STAT3: variants seen among roughly 807,000 people sequenced by gnomAD.
The protein encoded by STAT3 is signal transducer and activator of transcription 3.
A neutral mutation model predicts 114.3 loss-of-function variants in STAT3; 7 were observed. That is an observed-to-expected ratio of 0.06 (90% CI 0.03 to 0.11). STAT3 has a LOEUF of 0.11. Ranked by LOEUF, STAT3 falls within the 10% of genes least tolerant of loss-of-function variation. The pLI is 1.00. For synonymous variants in STAT3, 331 were observed against 354.5 expected (o/e 0.93, Z 0.74); for missense variants, 364 against 960.9 (o/e 0.38, Z 8.21).
At chr17:42,359,584 G>C (rs2083407044) in intron 1 of STAT3, among the ~76,000 whole-genome samples, 1 of 152,086 alleles carries the variant, frequency 6.6e-6, no homozygotes, top group African/African-American at 2.4e-5. Flanking sequence ...TAAGAACCTT[G>C]GTTAAAGAGC....
At chr17:42,356,539 ATT>A (rs67178732) in intron 1 of STAT3, among the ~76,000 whole-genome samples, 2 of 142,952 alleles carry the variant, frequency 1.4e-5, no homozygotes. Context: ...ATATATATAT[ATT>A]TTTTTTTTTT....
intron 23 of STAT3, 106 bp from the exon 24 acceptor site, chr17:42,315,906 C>A (rs2081229388): frequency 1.2e-6 from 2 of 1,600,974 alleles, no homozygotes; most frequent in Middle Eastern, 2.1e-4. Context: ...CACTGCTATC[C>A]AATCTCCTGC....
intron 3 of STAT3, 137 bp from the exon 4 acceptor site, chr17:42,345,794 C>A (rs1319342755): frequency 2.3e-6 from 2 of 887,456 alleles, no homozygotes; most frequent in African/African-American, 3.3e-5. Context: ...GGCTTCAGAG[C>A]CTGGGTGAAG....
In STAT3 at chr17:42,363,309, G is replaced by T. The variant is rs938594061; in HGVS notation, c.-23-14770C>A. Among the ~76,000 whole-genome samples, 8 of 152,116 alleles carry T rather than the reference G, an allele frequency of 5.3e-5. No individual in the cohort carries two copies. The East Asian group carries it at 1.5e-3, about 29-fold the overall frequency. ...ATCCTTCAGTGATTCTTCAATAAGA[G>T]TAAAATCACAGCACTCCCCAGCTCA... On this transcript the variant is annotated intron_variant, in intron 1 of 23. Transcript: ENST00000264657.
At chr17:42,347,261 T>C (rs2082744453) in intron 2 of STAT3, among the ~76,000 whole-genome samples, 1 of 152,094 alleles carries the variant, frequency 6.6e-6, no homozygotes, top group Admixed American at 6.6e-5. Flanking sequence ...TAATCTGTTG[T>C]ATTTGTAAAA....
intron 2 of STAT3, among the ~76,000 whole-genome samples, chr17:42,347,783 T>C (rs2082765476): frequency 6.6e-6 from 1 of 152,216 alleles, no homozygotes; most frequent in Non-Finnish European, 1.5e-5. Flanking sequence ...CCTTGCTCTC[T>C]TGCTCTTGCT....
chr17:42,323,074 G>A lies in STAT3; in HGVS notation c.1818C>T (p.Phe606=). The change falls in exon 20 of 24, where the codon TTC becomes TTT. Residue 606 remains phenylalanine (F), a synonymous_variant. Transcript: ENST00000264657. ...AILSTKPPGT[F]LLRFSESSKE... ...TGCTGCTTTCACTGAATCTTAGCAG[G>A]AAGGTGCCTGGAGGCTTAGTGCTCA... 6.2e-7 allele frequency: 1 copy of A among 1,614,214 alleles called. No individual in the cohort carries two copies. Among genetic ancestry groups the A allele is most frequent in the Non-Finnish European group, 8.5e-7 (1 of 1,180,030 alleles).
intron 1 of STAT3, among the ~76,000 whole-genome samples, chr17:42,361,736 C>T (rs1056413813): frequency 1.3e-5 from 2 of 151,974 alleles, no homozygotes; most frequent in Non-Finnish European, 2.9e-5. Flanking sequence ...AAGGAGACCA[C>T]GGCAGAAGAG....
intron 22 of STAT3, 69 bp downstream of exon 22, chr17:42,317,113 G>A: frequency 1.9e-6 from 3 of 1,608,862 alleles, no homozygotes; most frequent in African/African-American, 1.3e-5. Flanking sequence ...CTCTCACCCA[G>A]TGTCCCATTC....
intron 1 of STAT3, among the ~76,000 whole-genome samples, chr17:42,372,147 T>C (rs1237366880): frequency 6.6e-6 from 1 of 152,202 alleles, no homozygotes; most frequent in Non-Finnish European, 1.5e-5. Flanking sequence ...TCACTTTGAA[T>C]ATAGTTTGAT....
At chr17:42,378,960 C>T (rs2084625033) in intron 1 of STAT3, among the ~76,000 whole-genome samples, 1 of 152,158 alleles carries the variant, frequency 6.6e-6, no homozygotes, top group Non-Finnish European at 1.5e-5. Context: ...CAAGTTCAGA[C>T]TCAAATCTTC....
intron 21 of STAT3, among the ~76,000 whole-genome samples, chr17:42,318,642 T>C (rs755795641): frequency 6.6e-6 from 1 of 151,710 alleles, no homozygotes; most frequent in Non-Finnish European, 1.5e-5. Context: ...GGAATTCAGG[T>C]GAACAAACCA....
At position 42,380,754 on chromosome 17, in the gene STAT3, A is replaced by C. The variant is rs560819165; in HGVS notation, c.-24+7525T>G. Among the ~76,000 whole-genome samples, 12 of 152,258 alleles carry C rather than the reference A, an allele frequency of 7.9e-5. No homozygotes were observed. In the South Asian group the frequency reaches 2.5e-3, roughly 32 times the overall value. On this transcript the variant is annotated intron_variant, in intron 1 of 23. Transcript: ENST00000264657. Reference sequence around the variant, plus strand: ...ACGTGACGAGATCCTGACTCAAAAAAATTAGAAAATTAGCTGAGGGTGGTA... The same window carrying C: ...ACGTGACGAGATCCTGACTCAAAAACATTAGAAAATTAGCTGAGGGTGGTA...
rs1186600569 is a variant in STAT3 at position 42,333,515 on chromosome 17, G to A, written c.1049+158C>T. On this transcript the variant is annotated intron_variant, in intron 10 of 23. Transcript: ENST00000264657. The surrounding 1 kb of genome is among the most constrained non-coding windows in gnomAD (Gnocchi z 5.2). ...TTTTGCTTTTGACATCAGAATCAGAGAGCAAGCAGATAGTATGGCAACAAA... is the reference window on the plus strand; with the variant it reads ...TTTTGCTTTTGACATCAGAATCAGAAAGCAAGCAGATAGTATGGCAACAAA... Among the ~76,000 whole-genome samples, 2 of 152,070 alleles carry A rather than the reference G, an allele frequency of 1.3e-5. No individual in the cohort carries two copies. Among genetic ancestry groups the A allele is most frequent in the Non-Finnish European group, 2.9e-5 (2 of 68,036 alleles).
At chr17:42,339,158 A>G (rs1008012602) in intron 5 of STAT3, among the ~76,000 whole-genome samples, 156 bp downstream of exon 5, 8 of 148,780 alleles carry the variant, frequency 5.4e-5, no homozygotes, top group Non-Finnish European at 1.5e-5. Context: ...TGGGAGGATG[A>G]GGTAGGAGGA....
chr17:42,374,238 G>A (rs765055820), intron 1 of STAT3: 7 of 152,220 alleles, frequency 4.6e-5, no homozygotes, highest in Non-Finnish European at 1.0e-4. Context: ...CGCTTAGAGA[G>A]AATCTAGAAA....
intron 1 of STAT3, chr17:42,388,072 TC>T (rs1160291557): frequency 1.7e-5 from 10 of 572,268 alleles, no homozygotes; most frequent in Non-Finnish European, 2.6e-5. Flanking sequence ...GAACGAAACT[TC>T]CCTCCAGCGC....
At chr17:42,356,561 G>C (rs2083241925) in intron 1 of STAT3, among the ~76,000 whole-genome samples, 1 of 149,522 alleles carries the variant, frequency 6.7e-6, no homozygotes, top group Non-Finnish European at 1.5e-5. Flanking sequence ...TTACATTGGA[G>C]TCATAGCATT....
chr17:42,322,235 C>T (rs904701368), intron 21 of STAT3, 47 bp downstream of exon 21: 2 of 1,610,074 alleles, frequency 1.2e-6, no homozygotes, highest in East Asian at 4.5e-5. Context: ...CCAAAATTTC[C>T]AACTTTTCCC....
Sources: gnomAD v4.1 joint callset for allele counts (sites outside exome capture counted in the v4.1 genomes callset) on GRCh38, gnomAD v4.1.1 for gene constraint, Gnocchi (gnomAD v3.1) non-coding constraint, MANE v1.5 for transcripts, NCBI Gene and HGNC (gene_info 2026-07-23, HGNC 2026-07-21) for gene names.